Variants in TP53BP1 observed in about 807,000 individuals in gnomAD.
TP53BP1 encodes tumor protein p53 binding protein 1.
Under a neutral mutation model 200.8 loss-of-function variants are expected in TP53BP1, and 61 were observed. The observed-to-expected ratio is 0.30, with a 90% CI of 0.25 to 0.38. The LOEUF (loss-of-function observed/expected upper bound fraction) is 0.38, where lower values mean the gene tolerates loss of function less well. TP53BP1 is among the 10% of genes least tolerant of loss of function. The pLI is 1.00. For synonymous variants in TP53BP1, 822 were observed against 844.3 expected (o/e 0.97, Z 0.46); for missense variants, 2,144 against 2,371.9 (o/e 0.90, Z 2.00).
intron 17 of TP53BP1, among the ~76,000 whole-genome samples, chr15:43,430,406 T>C (rs894811139): frequency 5.9e-5 from 9 of 152,108 alleles, no homozygotes; most frequent in Non-Finnish European, 1.2e-4. Context: ...CATCTATATA[T>C]TTTTACTATG....
At chr15:43,436,562 C>A (rs2045803585) in intron 16 of TP53BP1, among the ~76,000 whole-genome samples, 1 of 152,008 alleles carries the variant, frequency 6.6e-6, no homozygotes, top group Non-Finnish European at 1.5e-5. Context: ...GCAGCCTCGA[C>A]CACCCAGGTT....
At position 43,492,354 on chromosome 15, in the gene TP53BP1, G is replaced by C. The variant is rs1230426456; in HGVS notation, c.122C>G (p.Ser41Cys). ...QPESQVLEDD[S>C]GSHFSMLSRH... ...AGATAGCATACTGAAGTGAGAACCA[G>C]AATCATCCTCTAGAACCTGGCTTTC... Residue 41 changes from serine (S) to cysteine (C), a missense_variant, in exon 2 of 28, where the codon TCT (serine) becomes TGT (cysteine). Transcript: ENST00000382044. The C allele has an allele frequency of 1.2e-6, 2 of 1,614,138 alleles. No homozygotes were observed. The highest frequency in any genetic ancestry group is 2.2e-5 in the South Asian group (2 of 91,080).
At position 43,405,196 on chromosome 15, in the gene TP53BP1, T is replaced by C. The variant is rs987872971; in HGVS notation, c.*2187A>G. 1.9e-6 allele frequency: 3 copies of C among 1,614,142 alleles called. No homozygotes were observed. Among genetic ancestry groups the C allele is most frequent in the East Asian group, 2.2e-5 (1 of 44,870 alleles). On this transcript the variant is annotated 3_prime_UTR_variant, in exon 28 of 28. Transcript: ENST00000382044. ...CACTTAATAAGGCTCTTTTTCTCTT[T>C]TGTAGTTTCGGGATGTGAAAATTTC...
At chr15:43,449,733 T>C (rs2143006729) in intron 12 of TP53BP1, among the ~76,000 whole-genome samples, 2 of 152,322 alleles carry the variant, frequency 1.3e-5, no homozygotes, top group South Asian at 2.1e-4. Context: ...AAACATGGCT[T>C]TGTTAGCTCC....
At chr15:43,466,869 A>C (rs2046593355) in intron 11 of TP53BP1, among the ~76,000 whole-genome samples, 1 of 152,182 alleles carries the variant, frequency 6.6e-6, no homozygotes, top group African/African-American at 2.4e-5. Flanking sequence ...AGAAAAAGAA[A>C]ATATAATCAT....
At chr15:43,451,754 C>A (rs1343128155) in intron 12 of TP53BP1, among the ~76,000 whole-genome samples, 1 of 152,294 alleles carries the variant, frequency 6.6e-6, no homozygotes, top group South Asian at 2.1e-4. Context: ...CCTGAGGAAT[C>A]GCCACAGTGA....
intron 23 of TP53BP1, chr15:43,414,063 T>G (rs1364794403): frequency 2.2e-6 from 1 of 461,538 alleles, no homozygotes; most frequent in Non-Finnish European, 4.5e-6. Flanking sequence ...CTGGAGAAGC[T>G]GAATCGTAGG....
intron 14 of TP53BP1, among the ~76,000 whole-genome samples, chr15:43,445,310 C>T (rs1435946090): frequency 6.6e-6 from 1 of 152,140 alleles, no homozygotes; most frequent in African/African-American, 2.4e-5. Context: ...TTTCCAGACA[C>T]ATCTTACTAA....
At chr15:43,478,103 A>G (rs1469002192) in intron 7 of TP53BP1, among the ~76,000 whole-genome samples, 2 of 152,230 alleles carry the variant, frequency 1.3e-5, no homozygotes, top group South Asian at 2.1e-4. Flanking sequence ...CCAGACCCCA[A>G]TGATGCCAGT....
chr15:43,413,204 G>T lies in TP53BP1; in HGVS notation c.5220C>A (p.Leu1740=). The T allele has an allele frequency of 6.2e-7, 1 of 1,614,188 alleles. No individual in the cohort carries two copies. Among genetic ancestry groups the T allele is most frequent in the Non-Finnish European group, 8.5e-7 (1 of 1,180,036 alleles). Residue 1740 remains leucine, a synonymous_variant, in exon 24 of 28, where the codon CTC becomes CTA. Coordinates refer to ENST00000382044, the MANE Select transcript of TP53BP1 (RefSeq NM_001141980.3). Reference sequence around the variant, plus strand: ...TGTCACTGGTTGTGGCCATGGTAAGGAGAAATGCGTAGCCCAGAAACAAGG... The same window carrying T: ...TGTCACTGGTTGTGGCCATGGTAAGTAGAAATGCGTAGCCCAGAAACAAGG... ...NKTLFLGYAF[L]LTMATTSDKL...
chr15:43,440,357 A>C (rs1470582467), intron 15 of TP53BP1, among the ~76,000 whole-genome samples: 1 of 150,660 alleles, frequency 6.6e-6, no homozygotes, highest in African/African-American at 2.4e-5. Flanking sequence ...TAAAAATACA[A>C]AAAAAAAATT....
intron 1 of TP53BP1, among the ~76,000 whole-genome samples, chr15:43,502,617 AT>A (rs776534479): frequency 0.13 from 18,138 of 137,766 alleles, 1,405 homozygotes; most frequent in Non-Finnish European, 0.18. Context: ...ACCACGACCT[AT>A]TTTTTTTTTT....
At chr15:43,482,232 AAACAACAACAACAAC>A (rs138162379) in intron 4 of TP53BP1, among the ~76,000 whole-genome samples, 2 of 151,680 alleles carry the variant, frequency 1.3e-5, no homozygotes, top group Non-Finnish European at 2.9e-5. Flanking sequence ...CCACCTCAAA[AAACAACAACAACAAC>A]AACAACAACA....
chr15:43,446,109 C>T (rs2046035817), intron 14 of TP53BP1, among the ~76,000 whole-genome samples: 1 of 152,110 alleles, frequency 6.6e-6, no homozygotes, highest in Non-Finnish European at 1.5e-5. Flanking sequence ...AATCCACAGT[C>T]CTAAAGTTTT....
At position 43,404,243 on chromosome 15, in the gene TP53BP1, T is replaced by C; in HGVS notation, c.*3140A>G. On this transcript the variant is annotated 3_prime_UTR_variant, in exon 28 of 28. Coordinates refer to ENST00000382044, the MANE Select transcript of TP53BP1 (RefSeq NM_001141980.3). ...CATAGGAAGTCATGCATGTATGGAT[T>C]TGGTACAAGTCATTTTAGGAACTAA... The C allele has an allele frequency of 1.4e-6, 1 of 692,574 alleles. No individual in the cohort carries two copies. The highest frequency in any genetic ancestry group is 2.7e-5 in the East Asian group (1 of 36,470). The allele number at this position is 692,574 out of a possible 1,614,324, so 42.9% of individuals were successfully genotyped here.
chr15:43,456,109 T>C lies in TP53BP1; in HGVS notation c.2499A>G (p.Gln833=), dbSNP rs371020600. ...AAGGTAAGGAAGGCTGTGAAGAATC[T>C]TGCTCTACAGGTTCTGTTTCTGCAG... ...SGTAETEPVE[Q]DSSQPSLPLV... Residue 833 remains glutamine (Q), a synonymous_variant, in exon 12 of 28, where the codon CAA becomes CAG. Coordinates refer to ENST00000382044, the MANE Select transcript of TP53BP1 (RefSeq NM_001141980.3). The C allele has an allele frequency of 6.9e-5, 112 of 1,614,130 alleles. No individual in the cohort carries two copies. The highest frequency in any genetic ancestry group is 1.6e-4 in the Middle Eastern group (1 of 6,084).
chr15:43,477,114 C>T (rs1000548549), intron 8 of TP53BP1, among the ~76,000 whole-genome samples: 3 of 152,032 alleles, frequency 2.0e-5, no homozygotes, highest in African/African-American at 7.2e-5. Context: ...TCATGGCTAA[C>T]ACAGTGAAAC....
At position 43,491,725 on chromosome 15, in the gene TP53BP1, T is replaced by C. The variant is rs527260627; in HGVS notation, c.315A>G (p.Thr105=). Residue 105 remains threonine, a synonymous_variant, in exon 4 of 28, where the codon ACA becomes ACG. Transcript: ENST00000382044. ...CAATGACCTGACTGATGGAACCACATGTGTCCAAGTTAGAAGAATCCACAG... is the reference window on the plus strand; with the variant it reads ...CAATGACCTGACTGATGGAACCACACGTGTCCAAGTTAGAAGAATCCACAG... ...ADPVDSSNLD[T]CGSISQVIEQ... 29 of 1,614,130 alleles carry C rather than the reference T, an allele frequency of 1.8e-5. No individual in the cohort carries two copies. In the South Asian group the frequency reaches 2.6e-4, roughly 15 times the overall value.
chr15:43,473,642 A>T (rs1358663076), intron 10 of TP53BP1, among the ~76,000 whole-genome samples: 1 of 150,292 alleles, frequency 6.7e-6, no homozygotes, highest in East Asian at 2.0e-4. Context: ...CCAGATACAG[A>T]GTGTGGATTG....
Sources: allele counts gnomAD v4.1 joint callset (sites outside exome capture counted in the v4.1 genomes callset), GRCh38; gene constraint gnomAD v4.1.1; transcripts MANE v1.5; gene names NCBI Gene and HGNC (gene_info 2026-07-23, HGNC 2026-07-21).